The following AGK variants were observed in gnomAD, a reference collection of about 807,000 sequenced individuals.
AGK encodes the protein acylglycerol kinase, mitochondrial.
AGK carries 52 observed loss-of-function variants against 66.4 expected under a neutral mutation model. The observed-to-expected ratio is 0.78, with a 90% CI of 0.63 to 0.99. The LOEUF is 0.99. Among genes scored for constraint, AGK ranks in the 50% least tolerant of loss-of-function variants. The pLI, the probability that AGK is intolerant of heterozygous loss-of-function variation, is 0.00. For synonymous variants in AGK, 182 were observed against 181.1 expected (o/e 1.00, Z -0.04); for missense variants, 451 against 506.6 (o/e 0.89, Z 1.05).
At chr7:141,576,007 G>T (rs1795730849) in intron 2 of AGK, among the ~76,000 whole-genome samples, 1 of 152,088 alleles carries the variant, frequency 6.6e-6, no homozygotes, top group Admixed American at 6.6e-5. Flanking sequence ...CTATGAACTT[G>T]ACTTCCTCCC....
chr7:141,584,928 A>T lies in AGK; in HGVS notation c.102-8218A>T, dbSNP rs1795964766. ...TCCTGACCGTTTATGCTTTCATGAC[A>T]TTAGGAAACTTCTTTGTTGCATTGG... On this transcript the variant is annotated intron_variant, in intron 2 of 15. Transcript: ENST00000649286. Among the ~76,000 whole-genome samples, 3 of 152,206 alleles carry T rather than the reference A, an allele frequency of 2.0e-5. No homozygotes were observed. The South Asian group carries it at 6.2e-4, about 32-fold the overall frequency.
chr7:141,614,274 A>T, intron 7 of AGK, 96 bp downstream of exon 7: 1 of 900,328 alleles, frequency 1.1e-6, no homozygotes, highest in Non-Finnish European at 1.7e-6. Context: ...TGTATATTTT[A>T]AAACGGGTAC....
intron 4 of AGK, chr7:141,596,850 A>G: frequency 3.7e-6 from 2 of 546,006 alleles, no homozygotes; most frequent in Non-Finnish European, 3.2e-6. Flanking sequence ...GTCTAATTGA[A>G]GTTTAATAAT....
At chr7:141,608,455 C>T (rs1429790783) in intron 5 of AGK, among the ~76,000 whole-genome samples, 2 of 151,956 alleles carry the variant, frequency 1.3e-5, no homozygotes, top group African/African-American at 4.8e-5. Flanking sequence ...ATATTTGAAG[C>T]ATGGTAAAGA....
chr7:141,641,974 C>T (rs1241794154), intron 13 of AGK, 66 bp downstream of exon 13: 18 of 1,283,714 alleles, frequency 1.4e-5, no homozygotes, highest in Non-Finnish European at 2.0e-5. Context: ...CTATAGTCCT[C>T]TCCCACTAAT....
At chr7:141,577,743 G>T (rs1052536172) in intron 2 of AGK, among the ~76,000 whole-genome samples, 1 of 151,980 alleles carries the variant, frequency 6.6e-6, no homozygotes, top group African/African-American at 2.4e-5. Flanking sequence ...GGGGTTTCTC[G>T]GGGACCCCTT....
intron 2 of AGK, among the ~76,000 whole-genome samples, chr7:141,575,898 C>T (rs182199959): frequency 6.6e-6 from 1 of 152,018 alleles, no homozygotes; most frequent in Non-Finnish European, 1.5e-5. Context: ...TTTATTGAGA[C>T]ACAAGATGCT....
intron 2 of AGK, among the ~76,000 whole-genome samples, chr7:141,582,226 T>G (rs1795897113): frequency 6.6e-6 from 1 of 152,030 alleles, no homozygotes; most frequent in South Asian, 2.1e-4. Context: ...CTTGGCCCAG[T>G]GACCAGATTT....
At chr7:141,621,594 G>T in intron 8 of AGK, 138 bp from the exon 9 acceptor site, 1 of 650,698 alleles carries the variant, frequency 1.5e-6, no homozygotes, top group South Asian at 1.8e-5. Context: ...GGGAAGGAGG[G>T]GGAGAGAGAG....
intron 2 of AGK, among the ~76,000 whole-genome samples, chr7:141,582,930 A>G (rs1041753268): frequency 6.6e-6 from 1 of 151,658 alleles, no homozygotes; most frequent in Non-Finnish European, 1.5e-5. Flanking sequence ...GGAAGATTGG[A>G]AAGACTCAGC....
chr7:141,592,757 G>A (rs909425018), intron 2 of AGK, among the ~76,000 whole-genome samples: 13 of 152,044 alleles, frequency 8.6e-5, no homozygotes, highest in African/African-American at 2.9e-4. Flanking sequence ...GGGCTGGAGT[G>A]CAATGGCATG....
At chr7:141,627,046 G>A (rs1796952326) in intron 9 of AGK, among the ~76,000 whole-genome samples, 1 of 152,168 alleles carries the variant, frequency 6.6e-6, no homozygotes, top group South Asian at 2.1e-4. Context: ...TAAAGCTAAT[G>A]TGGAGGAAAT....
At chr7:141,554,473 T>C (rs1795165550) in intron 1 of AGK, among the ~76,000 whole-genome samples, 1 of 152,202 alleles carries the variant, frequency 6.6e-6, no homozygotes. Context: ...CTTAACATTA[T>C]GTTTTGGGTT....
chr7:141,623,408 G>GA lies in AGK; in HGVS notation c.588+1618dup, dbSNP rs372720202. ...AAAAAAAAAAGAAAAAAAAAAGAAA[G>GA]AAAAAAAAAAAGAAAGTGAAGCAGC... is the stretch of plus-strand genomic sequence containing the variant. On this transcript the variant is annotated intron_variant, in intron 9 of 15. Coordinates refer to ENST00000649286, the MANE Select transcript of AGK (RefSeq NM_018238.4). Among the ~76,000 whole-genome samples the GA allele has an allele frequency of 4.6e-3, 633 of 136,708 alleles. 5 individuals are homozygous for GA. The highest frequency in any genetic ancestry group is 0.015 in the African/African-American group (533 of 36,382). The allele number at this position is 136,708 out of a possible 152,430, so 89.7% of individuals were successfully genotyped here. A position where few individuals can be genotyped will look rare whatever the true frequency, so the allele number is the denominator to read the frequency against.
At position 141,569,109 on chromosome 7, in the gene AGK, A is replaced by G. The variant is rs147208742; in HGVS notation, c.101+13542A>G. Among the ~76,000 whole-genome samples the G allele has an allele frequency of 3.8e-4, 58 of 152,328 alleles. 1 individual carries two copies. The highest frequency in any genetic ancestry group is 1.3e-3 in the African/African-American group (56 of 41,578). On this transcript the variant is annotated intron_variant, in intron 2 of 15. Coordinates refer to ENST00000649286, the MANE Select transcript of AGK (RefSeq NM_018238.4). ...TTGATTACTGTATATTGGCTTTTCT[A>G]AGCATTGGTGCAAGCCACCTTTCAA... is the stretch of plus-strand genomic sequence containing the variant.
intron 2 of AGK, among the ~76,000 whole-genome samples, chr7:141,569,038 T>C (rs1368405690): frequency 1.3e-5 from 2 of 152,342 alleles, no homozygotes; most frequent in Admixed American, 1.3e-4. Flanking sequence ...TTAAGGGTTT[T>C]AATTAATACT....
At chr7:141,593,120 T>A (rs1359356310) in intron 2 of AGK, 26 bp from the exon 3 acceptor site, 2 of 1,603,508 alleles carry the variant, frequency 1.2e-6, no homozygotes, top group Non-Finnish European at 1.7e-6. Flanking sequence ...AAGCTAATGA[T>A]TATTCTCTTT....
At chr7:141,604,966 T>A (rs77471380) in intron 5 of AGK, among the ~76,000 whole-genome samples, 2 of 144,942 alleles carry the variant, frequency 1.4e-5, no homozygotes, top group African/African-American at 5.1e-5. Flanking sequence ...AATTCCTCAA[T>A]TTTTTTTTTT....
At chr7:141,638,907 T>A (rs1466538377) in intron 11 of AGK, among the ~76,000 whole-genome samples, 1 of 152,152 alleles carries the variant, frequency 6.6e-6, no homozygotes, top group African/African-American at 2.4e-5. Context: ...AAGAAACAGA[T>A]TCAAATGTCA....
Sources: allele counts gnomAD v4.1 joint callset (sites outside exome capture counted in the v4.1 genomes callset), GRCh38; gene constraint gnomAD v4.1.1; transcripts MANE v1.5; gene names NCBI Gene and HGNC (gene_info 2026-07-23, HGNC 2026-07-21).